Variants in USO1 observed in about 807,000 individuals in gnomAD.
USO1 encodes USO1 vesicle transport factor.
A neutral mutation model predicts 124.5 loss-of-function variants in USO1; 57 were observed. That is an observed-to-expected ratio of 0.46 (90% CI 0.37 to 0.57). The LOEUF (loss-of-function observed/expected upper bound fraction) is 0.57. USO1 is among the 20% of genes least tolerant of loss of function. The pLI is 0.00. For missense variants in USO1, 900 were observed against 1,040.6 expected, an observed-to-expected ratio of 0.86 and a Z score of 1.86; for synonymous variants, 369 against 362.8, an observed-to-expected ratio of 1.02 and a Z score of -0.19.
chr4:75,803,649 CAAAAA>C (rs540083885), intron 17 of USO1, among the ~76,000 whole-genome samples: 1 of 82,406 alleles, frequency 1.2e-5, no homozygotes, highest in African/African-American at 4.7e-5. Context: ...AACTCCGTCT[CAAAAA>C]AAAAAAAAAG....
At chr4:75,735,939 A>C (rs1185929478) in intron 1 of USO1, among the ~76,000 whole-genome samples, 1 of 152,132 alleles carries the variant, frequency 6.6e-6, no homozygotes, top group Non-Finnish European at 1.5e-5. Flanking sequence ...CTAGCAAAAA[A>C]TGTTTTTTTT....
intron 1 of USO1, among the ~76,000 whole-genome samples, chr4:75,729,489 G>A (rs948734911): frequency 2.0e-5 from 3 of 152,044 alleles, no homozygotes; most frequent in Non-Finnish European, 1.5e-5. Context: ...ACAGGTGCAC[G>A]CCACCACGCC....
At chr4:75,799,173 GA>G (rs1486168142) in intron 13 of USO1, among the ~76,000 whole-genome samples, 1 of 150,314 alleles carries the variant, frequency 6.7e-6, no homozygotes, top group African/African-American at 2.4e-5. Flanking sequence ...CATTTTTCTT[GA>G]TTTTTTTGTT....
intron 1 of USO1, among the ~76,000 whole-genome samples, chr4:75,751,761 G>A (rs1721302343): frequency 6.6e-6 from 1 of 151,640 alleles, no homozygotes; most frequent in African/African-American, 2.4e-5. Context: ...GAACCCAGGA[G>A]GCGGAGGTTG....
chr4:75,744,869 G>A (rs1410827081), intron 1 of USO1: 1 of 481,348 alleles, frequency 2.1e-6, no homozygotes, highest in Admixed American at 2.3e-5. Context: ...TATTGCTGCA[G>A]TATTTGTTAC....
In USO1 at chr4:75,724,741, C is replaced by G; in HGVS notation, c.-79C>G. ...AGTGTGTAGAGTGCGGGATTGGGGCCCAGGCCCTGCGGAGGGCGGGGGAAG... is the reference window on the plus strand; with the variant it reads ...AGTGTGTAGAGTGCGGGATTGGGGCGCAGGCCCTGCGGAGGGCGGGGGAAG... On this transcript the variant is annotated 5_prime_UTR_variant, in exon 1 of 24. Coordinates refer to ENST00000514213, the MANE Select transcript of USO1 (RefSeq NM_003715.4). 2 of 1,492,530 alleles carry G rather than the reference C, an allele frequency of 1.3e-6. No individual in the cohort carries two copies. 92.5% of individuals were successfully genotyped at this position (1,492,530 alleles called of 1,614,324 possible).
chr4:75,805,366 T>TC lies in USO1; in HGVS notation c.2289+63_2289+64insC, dbSNP rs1330445831. On this transcript the variant is annotated intron_variant, in intron 19 of 23. Transcript: ENST00000514213. ...AGAGTGGTTCTCATTATCCTGCCTT[T>TC]TTTTTTTTTCCTTGGATCTCTTAAG... 1.3e-4 allele frequency: 183 copies of TC among 1,448,132 alleles called. 1 individual carries two copies. Among genetic ancestry groups the TC allele is most frequent in the Non-Finnish European group, 2.7e-6 (3 of 1,101,782 alleles). 89.7% of individuals were successfully genotyped at this position (1,448,132 alleles called of 1,614,324 possible).
intron 10 of USO1, among the ~76,000 whole-genome samples, chr4:75,788,371 T>C (rs1032344197): frequency 4.6e-5 from 7 of 150,810 alleles, no homozygotes; most frequent in African/African-American, 1.7e-4. Flanking sequence ...TCTCACCATG[T>C]TGGCCAAGCT....
intron 1 of USO1, among the ~76,000 whole-genome samples, chr4:75,747,436 A>G (rs997688246): frequency 5.9e-5 from 9 of 151,796 alleles, no homozygotes; most frequent in African/African-American, 1.9e-4. Context: ...CACCACGCCC[A>G]CTTAATTTTT....
intron 13 of USO1, among the ~76,000 whole-genome samples, chr4:75,795,637 G>T (rs1722656461): frequency 6.6e-6 from 1 of 151,948 alleles, no homozygotes; most frequent in Admixed American, 6.6e-5. Flanking sequence ...CTTGGTTTCG[G>T]TTTTTTGTGT....
chr4:75,811,596 G>T (rs145352550), intron 22 of USO1, among the ~76,000 whole-genome samples: 9 of 152,344 alleles, frequency 5.9e-5, no homozygotes, highest in Non-Finnish European at 1.0e-4. Flanking sequence ...ATATTATTGT[G>T]TGACAGAGAC....
In USO1 at chr4:75,803,284, A is replaced by C. The variant is rs541803797; in HGVS notation, c.1987-850A>C. Among the ~76,000 whole-genome samples the C allele has an allele frequency of 9.2e-5, 14 of 152,008 alleles. No individual in the cohort carries two copies. In the East Asian group the frequency reaches 2.7e-3, roughly 29 times the overall value. On this transcript the variant is annotated intron_variant, in intron 17 of 23. Transcript: ENST00000514213. ...TAAGTAAATTAAAGGCTACATAATT[A>C]TATATATATACCTATTGTGACAAAT...
intron 1 of USO1, among the ~76,000 whole-genome samples, chr4:75,730,152 C>T (rs538589007): frequency 6.6e-6 from 1 of 152,168 alleles, no homozygotes; most frequent in East Asian, 1.9e-4. Context: ...TTAAGTAGGG[C>T]CTATTGAATA....
chr4:75,777,171 A>G lies in USO1; in HGVS notation c.676+2375A>G, dbSNP rs187636701. ...TGACGTCCTTTCATTGAGTTTTGCC[A>G]AAGACTTAAATTTAATTTTCAGCAA... On this transcript the variant is annotated intron_variant, in intron 8 of 23. Transcript: ENST00000514213. Among the ~76,000 whole-genome samples, 873 of 152,324 alleles carry G rather than the reference A, an allele frequency of 5.7e-3. 16 individuals are homozygous for G. The highest frequency in any genetic ancestry group is 0.02 in the African/African-American group (817 of 41,576).
chr4:75,785,655 A>G (rs993987691), intron 9 of USO1, among the ~76,000 whole-genome samples: 19 of 152,106 alleles, frequency 1.2e-4, no homozygotes, highest in African/African-American at 4.3e-4. Context: ...ATCCTCATAA[A>G]TATTCCCTTT....
chr4:75,727,524 T>C (rs568106188), intron 1 of USO1, among the ~76,000 whole-genome samples: 2 of 152,174 alleles, frequency 1.3e-5, no homozygotes, highest in Non-Finnish European at 2.9e-5. Flanking sequence ...ACTATTTCGT[T>C]CCACCAGGAA....
chr4:75,779,808 A>G (rs529131166), intron 8 of USO1, among the ~76,000 whole-genome samples: 5 of 152,374 alleles, frequency 3.3e-5, no homozygotes, highest in African/African-American at 1.2e-4. Flanking sequence ...AGTTAAGATA[A>G]TTGATGAATT....
chr4:75,793,390 C>G (rs1560456920), intron 12 of USO1, among the ~76,000 whole-genome samples: 3 of 151,944 alleles, frequency 2.0e-5, no homozygotes, highest in African/African-American at 7.2e-5. Flanking sequence ...AGGGATCCTC[C>G]CACCTCAGCC....
Position 75,805,277 on chromosome 4 carries a change from GA to G in USO1, c.2267del (p.Lys756ArgfsTer4). On this transcript the variant is annotated frameshift_variant, in exon 19 of 24. Coordinates refer to ENST00000514213, the MANE Select transcript of USO1 (RefSeq NM_003715.4). LOFTEE classifies it high-confidence loss of function. ...NQELLQSQLT[E>X]KDSMIENMKS... ...GGAACTTTTACAAAGCCAGCTGACT[GA>G]AAAGGACTCTATGATTGAAAATATG... 6.2e-7 allele frequency: 1 copy of G among 1,608,660 alleles called. No individual in the cohort carries two copies. The highest frequency in any genetic ancestry group is 8.5e-7 in the Non-Finnish European group (1 of 1,178,002).
Sources: gnomAD v4.1 joint callset for allele counts (sites outside exome capture counted in the v4.1 genomes callset) on GRCh38, gnomAD v4.1.1 for gene constraint, MANE v1.5 for transcripts, NCBI Gene and HGNC (gene_info 2026-07-23, HGNC 2026-07-21) for gene names.